MAML3: variants seen among roughly 807,000 people sequenced by gnomAD.
MAML3 encodes the protein mastermind like transcriptional coactivator 3.
Under a neutral mutation model 101.9 loss-of-function variants are expected in MAML3, and 27 were observed. That is an observed-to-expected ratio of 0.27 (90% confidence interval 0.20 to 0.37). The LOEUF (loss-of-function observed/expected upper bound fraction) is 0.37, where lower values mean the gene tolerates loss of function less well. MAML3 is among the 10% of genes least tolerant of loss of function. The pLI, the probability that MAML3 is intolerant of heterozygous loss-of-function variation, is 1.00. For missense variants in MAML3, 1,316 were observed against 1,444.9 expected, an observed-to-expected ratio of 0.91 and a Z score of 1.45; for synonymous variants, 501 against 555.9, an observed-to-expected ratio of 0.90 and a Z score of 1.39.
At chr4:139,851,748 A>G (rs560315524) in intron 2 of MAML3, among the ~76,000 whole-genome samples, 2 of 152,342 alleles carry the variant, frequency 1.3e-5, no homozygotes, top group African/African-American at 4.8e-5. Flanking sequence ...ATGCTTGCAG[A>G]CTGTAATCAT....
At chr4:140,023,844 C>G (rs1315764358) in intron 1 of MAML3, among the ~76,000 whole-genome samples, 1 of 152,150 alleles carries the variant, frequency 6.6e-6, no homozygotes, top group Non-Finnish European at 1.5e-5. Context: ...AGGATTGTCC[C>G]TAATATTGAA....
At chr4:139,818,530 C>T (rs1265851775) in intron 2 of MAML3, among the ~76,000 whole-genome samples, 3 of 152,198 alleles carry the variant, frequency 2.0e-5, no homozygotes, top group Non-Finnish European at 4.4e-5. Flanking sequence ...GACTATTTTA[C>T]TTAGGAGAAG....
chr4:139,891,010 A>G (rs764845287), intron 1 of MAML3, 43 bp from the exon 2 acceptor site: 2 of 1,575,526 alleles, frequency 1.3e-6, no homozygotes, highest in East Asian at 2.3e-5. Context: ...CCTCCAAGTC[A>G]TATTTTACTC....
At chr4:140,131,734 G>A (rs1022207451) in intron 1 of MAML3, among the ~76,000 whole-genome samples, 1 of 152,136 alleles carries the variant, frequency 6.6e-6, no homozygotes, top group Non-Finnish European at 1.5e-5. Flanking sequence ...AAGTTCAGGG[G>A]CAGCAGTGGT....
At chr4:140,053,451 A>T (rs939091031) in intron 1 of MAML3, among the ~76,000 whole-genome samples, 1 of 152,192 alleles carries the variant, frequency 6.6e-6, no homozygotes, top group African/African-American at 2.4e-5. Flanking sequence ...CAGGGGCCAC[A>T]TTCCCAGATC....
chr4:140,098,626 T>G (rs1368821703), intron 1 of MAML3, among the ~76,000 whole-genome samples: 1 of 152,224 alleles, frequency 6.6e-6, no homozygotes, highest in Non-Finnish European at 1.5e-5. Context: ...CACCATTATT[T>G]TCAATATCTC....
chr4:139,897,019 G>C (rs559403866), intron 1 of MAML3, among the ~76,000 whole-genome samples: 1 of 152,162 alleles, frequency 6.6e-6, no homozygotes, highest in South Asian at 2.1e-4. Flanking sequence ...ATGACAAAGA[G>C]GTCTTTTATT....
In MAML3 at chr4:140,070,633, C is replaced by T. The variant is rs147149890; in HGVS notation, c.468+82227G>A. Among the ~76,000 whole-genome samples, 11 of 152,326 alleles carry T rather than the reference C, an allele frequency of 7.2e-5. 1 individual carries two copies. In the East Asian group the frequency reaches 2.1e-3, roughly 29 times the overall value. On this transcript the variant is annotated intron_variant, in intron 1 of 4. Transcript: ENST00000509479. Reference sequence around the variant, plus strand: ...AGCCCAAGTCAGAATCATAAAAACTCCTCGAAATACTACAAATGGCACCTA... The same window carrying T: ...AGCCCAAGTCAGAATCATAAAAACTTCTCGAAATACTACAAATGGCACCTA...
At chr4:140,148,471 G>GT (rs1729100412) in intron 1 of MAML3, among the ~76,000 whole-genome samples, 1 of 152,158 alleles carries the variant, frequency 6.6e-6, no homozygotes, top group African/African-American at 2.4e-5. Context: ...ATTTCAAAAA[G>GT]TTTTCCACAA....
chr4:139,795,870 A>C (rs997371539), intron 2 of MAML3, among the ~76,000 whole-genome samples: 1 of 152,236 alleles, frequency 6.6e-6, no homozygotes, highest in African/African-American at 2.4e-5. Flanking sequence ...ATGTATGTGC[A>C]CACAAATGCA....
intron 1 of MAML3, among the ~76,000 whole-genome samples, chr4:140,089,777 C>T (rs894774439): frequency 7.2e-5 from 11 of 152,040 alleles, no homozygotes; most frequent in African/African-American, 1.7e-4. Context: ...AGGGGTAGCA[C>T]GAGGAAATGT....
At chr4:140,072,164 G>A (rs1483861690) in intron 1 of MAML3, among the ~76,000 whole-genome samples, 3 of 152,114 alleles carry the variant, frequency 2.0e-5, no homozygotes, top group Non-Finnish European at 4.4e-5. Flanking sequence ...CTAGACATGA[G>A]TGCAGTCAGC....
At position 140,153,460 on chromosome 4, in the gene MAML3, G is replaced by A; in HGVS notation, c.-133C>T. ...ACGCAAGCACATGGATGGAAACGGC[G>A]ATCCCGACGGGGCGAAAAAAACGGG... is the stretch of plus-strand genomic sequence containing the variant. On this transcript the variant is annotated 5_prime_UTR_variant, in exon 1 of 5. Transcript: ENST00000509479. 1.0e-6 allele frequency: 1 copy of A among 984,240 alleles called. No individual in the cohort carries two copies. The highest frequency in any genetic ancestry group is 1.3e-6 in the Non-Finnish European group (1 of 753,266). The allele number at this position is 984,240 out of a possible 1,614,324, so 61.0% of individuals were successfully genotyped here.
At chr4:139,838,098 G>C (rs1731291661) in intron 2 of MAML3, among the ~76,000 whole-genome samples, 1 of 151,774 alleles carries the variant, frequency 6.6e-6, no homozygotes, top group African/African-American at 2.4e-5. Context: ...GGGTACATCG[G>C]CCAAGCCTGG....
chr4:140,034,172 G>A (rs755610878), intron 1 of MAML3, among the ~76,000 whole-genome samples: 2 of 152,182 alleles, frequency 1.3e-5, no homozygotes, highest in African/African-American at 2.4e-5. Flanking sequence ...AGGACCCAGG[G>A]TTTCTGCGTT....
intron 1 of MAML3, among the ~76,000 whole-genome samples, chr4:139,907,591 A>G (rs959431093): frequency 6.6e-6 from 1 of 152,242 alleles, no homozygotes; most frequent in Admixed American, 6.5e-5. Context: ...TGACTCATTC[A>G]AAAGAATTTG....
At chr4:140,131,279 G>A (rs1354425950) in intron 1 of MAML3, among the ~76,000 whole-genome samples, 2 of 152,194 alleles carry the variant, frequency 1.3e-5, no homozygotes, top group African/African-American at 4.8e-5. Flanking sequence ...GCCCTTAAAA[G>A]TCAACTGAAT....
At chr4:139,757,297 G>C (rs1459833592) in intron 2 of MAML3, among the ~76,000 whole-genome samples, 1 of 151,938 alleles carries the variant, frequency 6.6e-6, no homozygotes, top group African/African-American at 2.4e-5. Flanking sequence ...ACACCCTCTA[G>C]CCACCAGGTC....
At chr4:139,969,291 G>C (rs940910663) in intron 1 of MAML3, among the ~76,000 whole-genome samples, 19 of 151,864 alleles carry the variant, frequency 1.3e-4, no homozygotes, top group Admixed American at 3.3e-4. Context: ...TAGGTAGGTA[G>C]ATAGAGAGGC....
Sources: gnomAD v4.1 joint callset for allele counts (sites outside exome capture counted in the v4.1 genomes callset) on GRCh38, gnomAD v4.1.1 for gene constraint, MANE v1.5 for transcripts, NCBI Gene and HGNC (gene_info 2026-07-23, HGNC 2026-07-21) for gene names.